EPSTI1: variants seen among roughly 807,000 people sequenced by gnomAD.
EPSTI1 encodes epithelial stromal interaction 1, also known as epithelial-stromal interaction protein 1.
Under a neutral mutation model 49.9 loss-of-function variants are expected in EPSTI1, and 66 were observed. That is an observed-to-expected ratio of 1.32 (90% confidence interval 1.08 to 1.62). EPSTI1 has a LOEUF of 1.62. Among genes scored for constraint, EPSTI1 ranks in the 40% most tolerant of loss-of-function variants. EPSTI1 has a pLI of 0.00. For synonymous variants in EPSTI1, 137 were observed against 130.7 expected (o/e 1.05, Z -0.33); for missense variants, 394 against 365.5 (o/e 1.08, Z -0.64).
chr13:42,953,952 GC>G lies in EPSTI1; in HGVS notation c.558del (p.Gln186HisfsTer9). ...NLRREAFREH[Q>X]QYKTAEFLSK... Reference sequence around the variant, plus strand: ...GTTCTGAAAACATTAACTTACTATTGCTGATGCTCTCTAAATGCTTCTCTTC... The same window carrying G: ...GTTCTGAAAACATTAACTTACTATTGTGATGCTCTCTAAATGCTTCTCTTC... On this transcript the variant is annotated frameshift_variant, in exon 6 of 11. Coordinates refer to ENST00000313624, the MANE Select transcript of EPSTI1 (RefSeq NM_033255.5). LOFTEE classifies it high-confidence loss of function. 2 of 1,611,986 alleles carry G rather than the reference GC, an allele frequency of 1.2e-6. No homozygotes were observed. Among genetic ancestry groups the G allele is most frequent in the Non-Finnish European group, 1.7e-6 (2 of 1,179,376 alleles).
rs185786703 is a variant in EPSTI1 at position 42,975,269 on chromosome 13, G to C, written c.189-4599C>G. On this transcript the variant is annotated intron_variant, in intron 1 of 10. Coordinates refer to ENST00000313624, the MANE Select transcript of EPSTI1 (RefSeq NM_033255.5). ...TCCCAAGAATAATAGAAAATGACAA[G>C]ACCAGGCCGAGCGAATTACCCTTGA... Among the ~76,000 whole-genome samples, 31 of 152,258 alleles carry C rather than the reference G, an allele frequency of 2.0e-4. No individual in the cohort carries two copies. In the East Asian group the frequency reaches 3.5e-3, roughly 17 times the overall value.
At chr13:42,959,849 C>T (rs1451156023) in intron 5 of EPSTI1, among the ~76,000 whole-genome samples, 1 of 152,180 alleles carries the variant, frequency 6.6e-6, no homozygotes, top group African/African-American at 2.4e-5. Flanking sequence ...CTGACTCAAC[C>T]AACTTCCGAT....
chr13:42,919,922 A>G (rs1361851465), intron 7 of EPSTI1, among the ~76,000 whole-genome samples: 1 of 152,220 alleles, frequency 6.6e-6, no homozygotes, highest in African/African-American at 2.4e-5. Flanking sequence ...GTCCAAAATC[A>G]AGGTGTCTTC....
intron 1 of EPSTI1, among the ~76,000 whole-genome samples, chr13:42,977,765 T>C (rs2039907217): frequency 6.6e-6 from 1 of 152,256 alleles, no homozygotes; most frequent in African/African-American, 2.4e-5. Flanking sequence ...AGTTTTTCTA[T>C]TTTTTCACCT....
Position 42,911,264 on chromosome 13 carries a change from T to TGTGTGC in EPSTI1, c.741+6276_741+6277insGCACAC, listed in dbSNP as rs549150890. On this transcript the variant is annotated intron_variant, in intron 8 of 10. Coordinates refer to ENST00000313624, the MANE Select transcript of EPSTI1 (RefSeq NM_033255.5). ...GAGAGAGTGTGTGTGTGTGTGTGTGTGCGCGCGCACGCGCGCACACGTGTG... is the reference window on the plus strand; with the variant it reads ...GAGAGAGTGTGTGTGTGTGTGTGTGTGTGTGCGCGCGCGCACGCGCGCACACGTGTG... 2.0e-3 allele frequency among the ~76,000 whole-genome samples: 290 copies of TGTGTGC among 148,544 alleles called. 1 individual carries two copies. Among genetic ancestry groups the TGTGTGC allele is most frequent in the African/African-American group, 4.0e-3 (157 of 39,280 alleles).
intron 1 of EPSTI1, among the ~76,000 whole-genome samples, chr13:42,976,295 T>C (rs2039880545): frequency 6.6e-6 from 1 of 152,164 alleles, no homozygotes; most frequent in Non-Finnish European, 1.5e-5. Context: ...AATACACCAT[T>C]TTTACAGCAG....
At chr13:42,954,097 T>C (rs2039186973) in intron 5 of EPSTI1, 76 bp from the exon 6 acceptor site, 4 of 1,273,966 alleles carry the variant, frequency 3.1e-6, no homozygotes, top group Non-Finnish European at 4.4e-6. Flanking sequence ...TTACCCAAGG[T>C]CCAAAATCCT....
At chr13:42,921,514 T>G (rs2037993077) in intron 7 of EPSTI1, among the ~76,000 whole-genome samples, 1 of 151,862 alleles carries the variant, frequency 6.6e-6, no homozygotes, top group Non-Finnish European at 1.5e-5. Context: ...AACAAAGAAA[T>G]AAAGCAAGAA....
chr13:42,931,704 A>T (rs1160403131), intron 6 of EPSTI1, among the ~76,000 whole-genome samples: 1 of 152,174 alleles, frequency 6.6e-6, no homozygotes, highest in Non-Finnish European at 1.5e-5. Context: ...TTGTTCTGAA[A>T]ATAGATTTTT....
chr13:42,911,264 T>TGCGCGC (rs1555259496), intron 8 of EPSTI1, among the ~76,000 whole-genome samples: 25 of 148,448 alleles, frequency 1.7e-4, no homozygotes, highest in African/African-American at 5.6e-4. Context: ...TGTGTGTGTG[T>TGCGCGC]GCGCGCGCAC....
At chr13:42,916,540 A>T (rs1287115602) in intron 8 of EPSTI1, among the ~76,000 whole-genome samples, 1 of 152,220 alleles carries the variant, frequency 6.6e-6, no homozygotes, top group Non-Finnish European at 1.5e-5. Context: ...TCATTTTTCA[A>T]TGGAATTTTT....
chr13:42,935,168 C>T (rs527456689), intron 6 of EPSTI1, among the ~76,000 whole-genome samples: 30 of 152,194 alleles, frequency 2.0e-4, no homozygotes, highest in Non-Finnish European at 4.3e-4. Flanking sequence ...TCTGTCATTC[C>T]ATGTTCTTCT....
At position 42,963,287 on chromosome 13, in the gene EPSTI1, G is replaced by C; in HGVS notation, c.457C>G (p.Leu153Val). The C allele has an allele frequency of 6.2e-7, 1 of 1,613,508 alleles. No homozygotes were observed. Among genetic ancestry groups the C allele is most frequent in the Admixed American group, 1.7e-5 (1 of 59,950 alleles). Residue 153 changes from leucine (L) to valine (V), a missense_variant, in exon 5 of 11, where the codon CTC becomes GTC. By Grantham distance (32) the Leu-to-Val change is conservative. Transcript: ENST00000313624. Reference sequence around the variant, plus strand: ...CTCTGAATTGCCTTCATTTTTTGGAGTTCAGCTTCTTCAGCTTCCTTCTTG... The same window carrying C: ...CTCTGAATTGCCTTCATTTTTTGGACTTCAGCTTCTTCAGCTTCCTTCTTG... ...RIKKEAEEAE[L>V]QKMKAIQREK...
intron 6 of EPSTI1, among the ~76,000 whole-genome samples, chr13:42,930,803 GA>G (rs1426926112): frequency 1.3e-5 from 2 of 152,154 alleles, no homozygotes. Context: ...ACAACATCAT[GA>G]ATTGTCAGGT....
chr13:42,951,771 A>C (rs1224175977), intron 6 of EPSTI1, among the ~76,000 whole-genome samples: 1 of 152,212 alleles, frequency 6.6e-6, no homozygotes, highest in Non-Finnish European at 1.5e-5. Flanking sequence ...CCTGTGCCCA[A>C]GGCCCCTCAC....
In EPSTI1 at chr13:42,935,658, C is replaced by T. The variant is rs78855660; in HGVS notation, c.564-9229G>A. 9.5e-3 allele frequency among the ~76,000 whole-genome samples: 1,443 copies of T among 152,250 alleles called. 39 individuals carry two copies. In the South Asian group the frequency reaches 0.099, roughly 10 times the overall value. ...CCAGGCTGGAGTGTAACGGCGTGAT[C>T]TCGGCTCACTGCAAACTCCATCTCC... On this transcript the variant is annotated intron_variant, in intron 6 of 10. Coordinates refer to ENST00000313624, the MANE Select transcript of EPSTI1 (RefSeq NM_033255.5).
chr13:42,904,671 T>TACAATGGAAC (rs1274408370), intron 8 of EPSTI1, among the ~76,000 whole-genome samples: 1 of 152,126 alleles, frequency 6.6e-6, no homozygotes, highest in Non-Finnish European at 1.5e-5. Flanking sequence ...CGCAATGGAA[T>TACAATGGAAC]ACAATGGAAC....
chr13:42,950,270 C>T (rs961045370), intron 6 of EPSTI1, among the ~76,000 whole-genome samples: 5 of 152,230 alleles, frequency 3.3e-5, no homozygotes, highest in Non-Finnish European at 5.9e-5. Flanking sequence ...AAAGACAGTA[C>T]TGCAAAAGTA....
chr13:42,931,627 G>A (rs1250213301), intron 6 of EPSTI1, among the ~76,000 whole-genome samples: 1 of 152,158 alleles, frequency 6.6e-6, no homozygotes, highest in Non-Finnish European at 1.5e-5. Context: ...TGGTGTTTAT[G>A]TTTTTTAACT....
Sources: gnomAD v4.1 joint callset for allele counts (sites outside exome capture counted in the v4.1 genomes callset) on GRCh38, gnomAD v4.1.1 for gene constraint, MANE v1.5 for transcripts, NCBI Gene and HGNC (gene_info 2026-07-23, HGNC 2026-07-21) for gene names.